Variants in ABCG5 observed in about 807,000 individuals in gnomAD.
ABCG5 encodes ATP binding cassette subfamily G member 5, also known as ATP-binding cassette sub-family G member 5.
A neutral mutation model predicts 64.5 loss-of-function variants in ABCG5; 64 were observed. The ratio of observed to expected loss-of-function variants is 0.99; its 90% CI spans 0.81 to 1.22. The LOEUF is 1.22. ABCG5 is among the 50% of genes most tolerant of loss of function. The pLI, the probability that ABCG5 is intolerant of heterozygous loss-of-function variation, is 0.00. For missense variants in ABCG5, 908 were observed against 829.5 expected, an observed-to-expected ratio of 1.09 and a Z score of -1.16; for synonymous variants, 385 against 326.3, an observed-to-expected ratio of 1.18 and a Z score of -1.94.
intron 2 of ABCG5, among the ~76,000 whole-genome samples, chr2:43,832,846 G>A (rs1668034909): frequency 6.6e-6 from 1 of 152,210 alleles, no homozygotes; most frequent in Admixed American, 6.5e-5. Context: ...GTGTCACTCT[G>A]TCACCCAGGC....
At chr2:43,834,950 T>A (rs1668170477) in intron 2 of ABCG5, among the ~76,000 whole-genome samples, 1 of 152,254 alleles carries the variant, frequency 6.6e-6, no homozygotes, top group African/African-American at 2.4e-5. Context: ...AATGAAATTG[T>A]CATTTTATGC....
At chr2:43,829,174 G>T (rs1008781439) in intron 4 of ABCG5, among the ~76,000 whole-genome samples, 1 of 152,034 alleles carries the variant, frequency 6.6e-6, no homozygotes, top group Non-Finnish European at 1.5e-5. Context: ...AAGTGTTTGG[G>T]TTTTGAAATT....
At chr2:43,813,909 G>A (rs1160116160) in intron 12 of ABCG5, among the ~76,000 whole-genome samples, 1 of 151,532 alleles carries the variant, frequency 6.6e-6, no homozygotes, top group Non-Finnish European at 1.5e-5. Context: ...AGTAGAGACA[G>A]GTTTTTGCCA....
rs201552973 is a variant in ABCG5, at chr2:43,823,925, C to T, written c.1312G>A (p.Ala438Thr). 12 of 1,614,100 alleles carry T rather than the reference C, an allele frequency of 7.4e-6. No individual in the cohort carries two copies. Among genetic ancestry groups the T allele is most frequent in the South Asian group, 5.5e-5 (5 of 91,080 alleles). ...CGTGGGCACTTACACAGATTCACAG[C>T]GTTCAGCATGCCTGTGTACGGGGTG... ...GATPYTGMLN[A>T]VNLFPVLRAV... is the part of the protein sequence containing the mutation. The change falls in exon 9 of 13, where the codon GCT becomes ACT. Residue 438 changes from alanine to threonine, a missense_variant. Ala to Thr is a moderately conservative substitution (Grantham distance 58, BLOSUM62 0). Transcript: ENST00000405322.
At chr2:43,814,735 C>T in intron 11 of ABCG5, 146 bp from the exon 12 acceptor site, 1 of 588,160 alleles carries the variant, frequency 1.7e-6, no homozygotes, top group Non-Finnish European at 3.0e-6. Flanking sequence ...ATAAAAAAAC[C>T]TTCAAACAAC....
chr2:43,822,466 C>T (rs1667276213), intron 10 of ABCG5: 1 of 767,730 alleles, frequency 1.3e-6, no homozygotes, highest in Non-Finnish European at 1.5e-6. Flanking sequence ...GCTGCTTTCT[C>T]CCCTCCCCCA....
intron 10 of ABCG5, among the ~76,000 whole-genome samples, chr2:43,821,470 G>A (rs555125264): frequency 1.6e-4 from 25 of 152,290 alleles, no homozygotes; most frequent in African/African-American, 6.0e-4. Context: ...GGATTTCAGA[G>A]TCTGAGGACA....
At chr2:43,816,404 G>T (rs144529378) in intron 11 of ABCG5, among the ~76,000 whole-genome samples, 25 of 151,888 alleles carry the variant, frequency 1.6e-4, no homozygotes, top group African/African-American at 6.0e-4. Context: ...CTAGCCTTGG[G>T]AACAACCAAC....
intron 2 of ABCG5, chr2:43,832,371 T>G: frequency 1.8e-6 from 1 of 558,758 alleles, no homozygotes; most frequent in Non-Finnish European, 3.2e-6. Flanking sequence ...TCTGCTTGTT[T>G]ATTTGTCTTT....
chr2:43,823,015 G>A (rs2104806790), intron 9 of ABCG5, 80 bp from the exon 10 acceptor site: 4 of 1,570,898 alleles, frequency 2.5e-6, no homozygotes, highest in Middle Eastern at 1.7e-4. Flanking sequence ...CTGAATGTGA[G>A]GTCTGTCAGG....
rs1332170475 is a variant in ABCG5, at chr2:43,831,547, G to T, written c.501+222C>A. On this transcript the variant is annotated intron_variant, in intron 4 of 12. Transcript: ENST00000405322. ...GTCTGAAATTTGATGTGTATTTTGC[G>T]CTCAGAGCACGTTTCAGTCTGGACT... Among the ~76,000 whole-genome samples the T allele has an allele frequency of 2.6e-5, 4 of 152,118 alleles. No homozygotes were observed. In the South Asian group the frequency reaches 6.2e-4, roughly 24 times the overall value.
At position 43,837,859 on chromosome 2, in the gene ABCG5, C is replaced by T. The variant is rs1162982096; in HGVS notation, c.240G>A (p.Gln80=). ...KDVSLYVESG[Q]IMCILGSSGS... is the part of the protein sequence containing the mutation. ...CTGAGCTTCCTAGGATGCACATGAT[C>T]TGCCCGCTCTCCACGTACAAGGAGA... Residue 80 remains glutamine, a synonymous_variant, in exon 2 of 13, where the codon CAG becomes CAA. Coordinates refer to ENST00000405322, the MANE Select transcript of ABCG5 (RefSeq NM_022436.3). 1 of 1,614,132 alleles carries T rather than the reference C, an allele frequency of 6.2e-7. No individual in the cohort carries two copies. The highest frequency in any genetic ancestry group is 8.5e-7 in the Non-Finnish European group (1 of 1,179,992).
In ABCG5 at chr2:43,819,961, C is replaced by T. The variant is rs1222841214; in HGVS notation, c.1603G>A (p.Ala535Thr). ...QNPNIVNSVVALLSIAGVLVG... is the reference protein window; with the variant it reads ...QNPNIVNSVVTLLSIAGVLVG... ...AGCACCCCCGCAATGGACAGCAGAG[C>T]CACTACACTGTTGACTATATTTGGA... Residue 535 changes from alanine (A) to threonine (T), a missense_variant, in exon 11 of 13, where the codon GCT becomes ACT. Physicochemically the swap from Ala to Thr is moderately conservative, Grantham distance 58. Coordinates refer to ENST00000405322, the MANE Select transcript of ABCG5 (RefSeq NM_022436.3). 40 of 1,614,012 alleles carry T rather than the reference C, an allele frequency of 2.5e-5. No individual in the cohort carries two copies. The highest frequency in any genetic ancestry group is 3.3e-5 in the Non-Finnish European group (39 of 1,180,048).
intron 4 of ABCG5, 90 bp from the exon 5 acceptor site, chr2:43,828,205 C>T: frequency 5.0e-6 from 8 of 1,588,810 alleles, no homozygotes; most frequent in Non-Finnish European, 6.8e-6. Flanking sequence ...AGAGGCAGCA[C>T]ACCGCCCAAG....
At chr2:43,820,582 C>CA (rs1433267922) in intron 10 of ABCG5, among the ~76,000 whole-genome samples, 3 of 152,190 alleles carry the variant, frequency 2.0e-5, no homozygotes, top group Non-Finnish European at 2.9e-5. Context: ...TGTCCTCGAT[C>CA]AGGTTAGCCC....
In ABCG5 at chr2:43,832,191, A is replaced by G. The variant is rs368408157; in HGVS notation, c.266-108T>C. 14 of 1,454,834 alleles carry G rather than the reference A, an allele frequency of 9.6e-6. No individual in the cohort carries two copies. In the East Asian group the frequency reaches 1.5e-4, roughly 16 times the overall value. 90.1% of individuals were successfully genotyped at this position (1,454,834 alleles called of 1,614,324 possible). On this transcript the variant is annotated intron_variant, in intron 2 of 12. Transcript: ENST00000405322. ...TGACCCCGCGGGCCATGAGTGCTAC[A>G]TGACGGACCCTGTTCTAGGTGTTAA...
upstream of ABCG5, chr2:43,839,125 GC>G: frequency 6.4e-7 from 1 of 1,551,162 alleles, no homozygotes; most frequent in Non-Finnish European, 8.7e-7. Context: ...CGGTGAGTGA[GC>G]AATGGGAAGT....
At chr2:43,823,831 TGGTA>T (rs1572766565) in intron 9 of ABCG5, 78 bp downstream of exon 9, 1 of 1,503,742 alleles carries the variant, frequency 6.7e-7, no homozygotes, top group East Asian at 2.4e-5. Flanking sequence ...ACCCTTATAA[TGGTA>T]GACTTTTGTA....
intron 11 of ABCG5, 59 bp downstream of exon 11, chr2:43,819,856 T>C: frequency 6.4e-7 from 1 of 1,561,172 alleles, no homozygotes; most frequent in Non-Finnish European, 8.8e-7. Flanking sequence ...CAGTCATTAT[T>C]AGGTGATCAT....
Sources: allele counts gnomAD v4.1 joint callset (sites outside exome capture counted in the v4.1 genomes callset), GRCh38; gene constraint gnomAD v4.1.1; transcripts MANE v1.5; gene names NCBI Gene and HGNC (gene_info 2026-07-23, HGNC 2026-07-21).